The following CERK variants were observed in gnomAD, a reference collection of about 807,000 sequenced individuals.
CERK encodes the protein ceramide kinase, also known as acylsphingosine kinase.
A neutral mutation model predicts 63.4 loss-of-function variants in CERK; 39 were observed. The ratio of observed to expected loss-of-function variants is 0.61; its 90% CI spans 0.48 to 0.80. The LOEUF is 0.80. CERK is among the 30% of genes least tolerant of loss of function. The probability of loss-of-function intolerance (pLI) is 0.00; values close to 1 mark genes in which losing one functional copy is unlikely to be tolerated. For synonymous variants in CERK, 302 were observed against 280.0 expected (o/e 1.08, Z -0.78); for missense variants, 670 against 714.1 (o/e 0.94, Z 0.70).
chr22:46,733,896 G>C (rs2082958715), intron 1 of CERK, among the ~76,000 whole-genome samples: 1 of 151,804 alleles, frequency 6.6e-6, no homozygotes, highest in Non-Finnish European at 1.5e-5. Context: ...ACAAAAATTA[G>C]CTGGTGGCAG....
chr22:46,691,823 G>A (rs368586799), intron 10 of CERK, 46 bp from the exon 11 acceptor site: 107 of 1,547,100 alleles, frequency 6.9e-5, no homozygotes, highest in African/African-American at 4.1e-5. Flanking sequence ...CAATGGCGCC[G>A]GGCAGCGCCC....
chr22:46,698,390 C>G (rs1271975353), intron 8 of CERK, among the ~76,000 whole-genome samples: 3 of 152,256 alleles, frequency 2.0e-5, no homozygotes, highest in Non-Finnish European at 1.5e-5. Flanking sequence ...CGGCATAGAG[C>G]AGGGGCTCAA....
At chr22:46,737,839 C>G (rs1416732471) in intron 1 of CERK, among the ~76,000 whole-genome samples, 168 bp downstream of exon 1, 3 of 152,014 alleles carry the variant, frequency 2.0e-5, no homozygotes, top group African/African-American at 7.2e-5. Context: ...CCCCTGGCCC[C>G]GGCCTCCCTC....
At chr22:46,708,858 G>A (rs1192881168) in intron 5 of CERK, among the ~76,000 whole-genome samples, 2 of 152,108 alleles carry the variant, frequency 1.3e-5, no homozygotes, top group Non-Finnish European at 2.9e-5. Flanking sequence ...GGGAAGGTCC[G>A]CCGGTAGAGG....
At chr22:46,732,225 G>A (rs946244340) in intron 1 of CERK, among the ~76,000 whole-genome samples, 13 of 152,218 alleles carry the variant, frequency 8.5e-5, no homozygotes, top group African/African-American at 3.1e-4. Context: ...GAGCTTGTAT[G>A]CGGGTGACAG....
At chr22:46,721,725 C>T (rs1029992219) in intron 1 of CERK, among the ~76,000 whole-genome samples, 4 of 152,138 alleles carry the variant, frequency 2.6e-5, no homozygotes, top group Non-Finnish European at 5.9e-5. Flanking sequence ...GGACCCGGGA[C>T]AGCTGGAACC....
In CERK at chr22:46,696,549, C is replaced by T. The variant is rs939375520; in HGVS notation, c.944-1234G>A. 2.0e-5 allele frequency among the ~76,000 whole-genome samples: 3 copies of T among 152,330 alleles called. No homozygotes were observed. The East Asian group carries it at 5.8e-4, about 29-fold the overall frequency. ...TCTGATGTCCCGGTTTCTGTCTGCC[C>T]CTAGATGGGCCCCAGATGTCCTACC... On this transcript the variant is annotated intron_variant, in intron 8 of 12. Transcript: ENST00000216264.
intron 3 of CERK, among the ~76,000 whole-genome samples, chr22:46,715,867 C>A (rs9627532): frequency 0.031 from 4,703 of 152,154 alleles, 247 homozygotes; most frequent in African/African-American, 0.11. Context: ...CAATAGGACA[C>A]AAGCTTACCA....
At chr22:46,716,053 G>A (rs1035733001) in intron 3 of CERK, among the ~76,000 whole-genome samples, 4 of 151,636 alleles carry the variant, frequency 2.6e-5, no homozygotes, top group South Asian at 2.1e-4. Flanking sequence ...AGCCAGGCAC[G>A]GTGACATGTG....
At chr22:46,731,650 G>A (rs2082945797) in intron 1 of CERK, among the ~76,000 whole-genome samples, 1 of 152,242 alleles carries the variant, frequency 6.6e-6, no homozygotes, top group Admixed American at 6.5e-5. Flanking sequence ...GTCAGGCAGG[G>A]AGGGCAGAGG....
chr22:46,718,543 C>T lies in CERK; in HGVS notation c.379+1543G>A, dbSNP rs1456952438. ...CGACAGCAGGTGGTGGAGGCCAAGT[C>T]CCCCAGGATTAAACAGGGAAGTATG... On this transcript the variant is annotated intron_variant, in intron 3 of 12. Transcript: ENST00000216264. 2.0e-5 allele frequency among the ~76,000 whole-genome samples: 3 copies of T among 152,102 alleles called. No homozygotes were observed. The East Asian group carries it at 5.8e-4, about 29-fold the overall frequency.
chr22:46,697,943 G>A (rs2082764311), intron 8 of CERK, among the ~76,000 whole-genome samples: 1 of 152,222 alleles, frequency 6.6e-6, no homozygotes, highest in Non-Finnish European at 1.5e-5. Flanking sequence ...TCTAAACTCT[G>A]TGGTCGGGTA....
chr22:46,721,093 T>G lies in CERK; in HGVS notation c.143-78A>C, dbSNP rs2082890102. On this transcript the variant is annotated intron_variant, in intron 1 of 12. Transcript: ENST00000216264. Reference sequence around the variant, plus strand: ...TAAAATCAGTCCAACTCCAAGAAGCTGAGAATATTCTGCTTTAATATTCTC... The same window carrying G: ...TAAAATCAGTCCAACTCCAAGAAGCGGAGAATATTCTGCTTTAATATTCTC... 2.4e-5 allele frequency: 22 copies of G among 914,018 alleles called. No homozygotes were observed. The South Asian group carries it at 2.7e-4, about 11-fold the overall frequency. The allele number at this position is 914,018 out of a possible 1,614,324, so 56.6% of individuals were successfully genotyped here.
At chr22:46,717,585 G>A (rs1284695113) in intron 3 of CERK, among the ~76,000 whole-genome samples, 1 of 152,266 alleles carries the variant, frequency 6.6e-6, no homozygotes, top group African/African-American at 2.4e-5. Context: ...GTTTCATACT[G>A]TATGATCTGA....
In CERK at chr22:46,738,151, C is replaced by G; in HGVS notation, c.-3G>C. 8.4e-7 allele frequency: 1 copy of G among 1,184,816 alleles called. No homozygotes were observed. The highest frequency in any genetic ancestry group is 1.0e-6 in the Non-Finnish European group (1 of 958,234). 73.4% of individuals were successfully genotyped at this position (1,184,816 alleles called of 1,614,324 possible). On this transcript the variant is annotated 5_prime_UTR_variant, in exon 1 of 13. Transcript: ENST00000216264. ...TCCGCCGCCCCCGTCGCCCCCATCT[C>G]CGCCGCCGGGCTCGTCCGCCAGGCT... is the stretch of plus-strand genomic sequence containing the variant.
At position 46,720,898 on chromosome 22, in the gene CERK, T is replaced by C; in HGVS notation, c.256+4A>G. ...ATGTGGGAGAAGACATTTAGGCTTA[T>C]CACCTGTAAAAGCGTAAGGCTTTTC... On this transcript the variant is annotated splice_donor_region_variant and intron_variant, in intron 2 of 12. Transcript: ENST00000216264. 6.4e-7 allele frequency: 1 copy of C among 1,553,900 alleles called. No homozygotes were observed. The highest frequency in any genetic ancestry group is 8.9e-7 in the Non-Finnish European group (1 of 1,125,214).
chr22:46,708,073 G>A (rs563346291), intron 5 of CERK, 85 bp from the exon 6 acceptor site: 1 of 1,444,066 alleles, frequency 6.9e-7, no homozygotes, highest in Non-Finnish European at 9.2e-7. Flanking sequence ...CTTCAGGAGG[G>A]GCAGCCTGCA....
At position 46,684,613 on chromosome 22, in the gene CERK, C is replaced by G. The variant is rs936464897; in HGVS notation, c.*2521G>C. 1.3e-5 allele frequency: 2 copies of G among 152,238 alleles called. No homozygotes were observed. Among genetic ancestry groups the G allele is most frequent in the East Asian group, 3.8e-4 (2 of 5,208 alleles). The allele number at this position is 152,238 out of a possible 1,614,324, so 9.4% of individuals were successfully genotyped here. A position where few individuals can be genotyped will look rare whatever the true frequency, so the allele number is the denominator to read the frequency against. On this transcript the variant is annotated 3_prime_UTR_variant, in exon 13 of 13. Coordinates refer to ENST00000216264, the MANE Select transcript of CERK (RefSeq NM_022766.6). The stretch of plus-strand genomic sequence containing the variant: ...GAATAAACTAGAATCAGGTCCATTG[C>G]ATAACTGCTAATTGTTTTGCACCAG...
intron 12 of CERK, 72 bp downstream of exon 12, chr22:46,689,920 T>G: frequency 8.4e-7 from 1 of 1,191,790 alleles, no homozygotes. Flanking sequence ...CCACCCTGGG[T>G]GGGGCAGCTT....
Sources: gnomAD v4.1 joint callset for allele counts (sites outside exome capture counted in the v4.1 genomes callset) on GRCh38, gnomAD v4.1.1 for gene constraint, MANE v1.5 for transcripts, NCBI Gene and HGNC (gene_info 2026-07-23, HGNC 2026-07-21) for gene names.